The following SLC24A3 variants were observed in gnomAD, a reference collection of about 807,000 sequenced individuals.
SLC24A3 encodes the protein sodium/potassium/calcium exchanger 3.
A neutral mutation model predicts 75.8 loss-of-function variants in SLC24A3; 28 were observed. The observed-to-expected ratio is 0.37, with a 90% CI of 0.27 to 0.51. The LOEUF (loss-of-function observed/expected upper bound fraction) is 0.51. Ranked by LOEUF, SLC24A3 falls within the 20% of genes least tolerant of loss-of-function variation. The pLI is 0.94. For synonymous variants in SLC24A3, 372 were observed against 334.1 expected, an observed-to-expected ratio of 1.11 and a Z score of -1.24; for missense variants, 663 against 847.8, an observed-to-expected ratio of 0.78 and a Z score of 2.71.
rs542225266 is a variant in SLC24A3 at position 19,275,805 on chromosome 20, G to GCTAT, written c.143-5152_143-5149dup. Among the ~76,000 whole-genome samples the GCTAT allele has an allele frequency of 1.4e-3, 216 of 152,248 alleles. 1 individual carries two copies. The highest frequency in any genetic ancestry group is 4.9e-3 in the African/African-American group (205 of 41,536). On this transcript the variant is annotated intron_variant, in intron 1 of 16. Transcript: ENST00000328041. Reference sequence around the variant, plus strand: ...CCTCCCCTTCTAGCCAACATCCCGTGCTATCCCCATGGCCCACTCCTGTCC... The same window carrying GCTAT: ...CCTCCCCTTCTAGCCAACATCCCGTGCTATCTATCCCCATGGCCCACTCCTGTCC...
At position 19,212,945 on chromosome 20, in the gene SLC24A3, C is replaced by T. The variant is rs1189850087; in HGVS notation, c.103C>T (p.Leu35=). Residue 35 remains leucine (L), a synonymous_variant, in exon 1 of 17, where the codon CTG becomes TTG. Coordinates refer to ENST00000328041, the MANE Select transcript of SLC24A3 (RefSeq NM_020689.4). ...GCTCTGCTTCCTGGCCTCGGTGGCG[C>T]TGCTGCTCTGGTCGCTGTCGAGCCT... The part of the protein sequence containing the change: ...SQLCFLASVA[L]LLWSLSSLRE... 13 of 1,339,510 alleles carry T rather than the reference C, an allele frequency of 9.7e-6. No individual in the cohort carries two copies. Among genetic ancestry groups the T allele is most frequent in the Non-Finnish European group, 1.2e-5 (13 of 1,043,984 alleles). The allele number at this position is 1,339,510 out of a possible 1,614,324, so 83.0% of individuals were successfully genotyped here. A position where few individuals can be genotyped will look rare whatever the true frequency, so the allele number is the denominator to read the frequency against.
intron 7 of SLC24A3, among the ~76,000 whole-genome samples, chr20:19,664,858 A>T (rs183899593): frequency 6.6e-6 from 1 of 152,354 alleles, no homozygotes; most frequent in Admixed American, 6.5e-5. Flanking sequence ...GGTTTCGGCA[A>T]CATGTCATCA....
intron 2 of SLC24A3, among the ~76,000 whole-genome samples, chr20:19,342,601 G>C (rs1192930181): frequency 6.6e-6 from 1 of 152,230 alleles, no homozygotes; most frequent in Non-Finnish European, 1.5e-5. Context: ...CTGCAACATG[G>C]AAATGTATGT....
chr20:19,509,349 G>T (rs1299261843), intron 2 of SLC24A3, among the ~76,000 whole-genome samples: 1 of 152,174 alleles, frequency 6.6e-6, no homozygotes, highest in African/African-American at 2.4e-5. Context: ...TGGATTTGGC[G>T]CTAGGATGCA....
At chr20:19,233,949 G>T (rs1276853987) in intron 1 of SLC24A3, among the ~76,000 whole-genome samples, 1 of 152,138 alleles carries the variant, frequency 6.6e-6, no homozygotes, top group Non-Finnish European at 1.5e-5. Context: ...TTTGATTATT[G>T]CTTTTAAGTC....
chr20:19,378,272 C>T (rs911496179), intron 2 of SLC24A3, among the ~76,000 whole-genome samples: 1 of 151,610 alleles, frequency 6.6e-6, no homozygotes, highest in Non-Finnish European at 1.5e-5. Context: ...AGAGCTTGGC[C>T]TACGTAGAGG....
chr20:19,482,437 A>T (rs1406223809), intron 2 of SLC24A3, among the ~76,000 whole-genome samples: 1 of 152,166 alleles, frequency 6.6e-6, no homozygotes, highest in Non-Finnish European at 1.5e-5. Flanking sequence ...AGGCCAAGGG[A>T]ATCACAGCCA....
chr20:19,644,002 T>TG (rs941940957), intron 6 of SLC24A3, among the ~76,000 whole-genome samples: 5 of 152,158 alleles, frequency 3.3e-5, no homozygotes, highest in African/African-American at 4.8e-5. Flanking sequence ...TAGGAGAGCT[T>TG]GGGGGGAGCA....
At chr20:19,317,956 C>T (rs721488) in intron 2 of SLC24A3, among the ~76,000 whole-genome samples, 6,161 of 152,328 alleles carry the variant, frequency 0.04, 503 homozygotes, top group East Asian at 0.27. Flanking sequence ...TGCCTGCTCA[C>T]ACCTGCATTC....
chr20:19,712,878 C>T (rs1487282824), intron 15 of SLC24A3, among the ~76,000 whole-genome samples: 1 of 152,204 alleles, frequency 6.6e-6, no homozygotes, highest in Non-Finnish European at 1.5e-5. Flanking sequence ...AAAGAGTACA[C>T]GCTGCAGGAT....
At chr20:19,595,905 G>A (rs2031445934) in intron 6 of SLC24A3, among the ~76,000 whole-genome samples, 1 of 152,158 alleles carries the variant, frequency 6.6e-6, no homozygotes, top group Non-Finnish European at 1.5e-5. Flanking sequence ...AGATCTAGGA[G>A]AAGAAACTTC....
At chr20:19,537,029 A>G (rs1420985672) in intron 3 of SLC24A3, among the ~76,000 whole-genome samples, 1 of 152,202 alleles carries the variant, frequency 6.6e-6, no homozygotes, top group Non-Finnish European at 1.5e-5. Context: ...GACAAATGGG[A>G]TCTAATTAAA....
At chr20:19,605,649 C>T (rs960736696) in intron 6 of SLC24A3, among the ~76,000 whole-genome samples, 2 of 152,166 alleles carry the variant, frequency 1.3e-5, no homozygotes, top group African/African-American at 2.4e-5. Flanking sequence ...TACATCTACC[C>T]ATTGAGTCTC....
intron 3 of SLC24A3, among the ~76,000 whole-genome samples, chr20:19,542,645 T>C (rs1174413344): frequency 3.9e-5 from 6 of 152,202 alleles, no homozygotes; most frequent in Non-Finnish European, 8.8e-5. Context: ...TCTTTGCTAC[T>C]GTAATTCCAT....
At chr20:19,276,591 G>C (rs1600406584) in intron 1 of SLC24A3, among the ~76,000 whole-genome samples, 1 of 152,116 alleles carries the variant, frequency 6.6e-6, no homozygotes, top group Admixed American at 6.6e-5. Context: ...ACAGCAAAGG[G>C]ACAGTAAAAA....
At chr20:19,689,283 G>A (rs773143019) in intron 12 of SLC24A3, among the ~76,000 whole-genome samples, 1 of 152,206 alleles carries the variant, frequency 6.6e-6, no homozygotes. Context: ...AAAATACTGT[G>A]CAATAACTTT....
At chr20:19,705,382 C>T (rs1175450005) in intron 15 of SLC24A3, among the ~76,000 whole-genome samples, 2 of 152,172 alleles carry the variant, frequency 1.3e-5, no homozygotes, top group South Asian at 2.1e-4. Flanking sequence ...ATTCCTCATG[C>T]TCAGCCACAC....
chr20:19,323,141 G>A (rs1984752923), intron 2 of SLC24A3, among the ~76,000 whole-genome samples: 1 of 147,550 alleles, frequency 6.8e-6, no homozygotes, highest in African/African-American at 2.6e-5. Context: ...GGGAGGCGGA[G>A]GTTGCAGTGA....
At chr20:19,598,794 C>G (rs941756118) in intron 6 of SLC24A3, among the ~76,000 whole-genome samples, 1 of 152,054 alleles carries the variant, frequency 6.6e-6, no homozygotes, top group Non-Finnish European at 1.5e-5. Context: ...CTTGCTCTGT[C>G]TTTGATTACT....
Sources: gnomAD v4.1 joint callset for allele counts (sites outside exome capture counted in the v4.1 genomes callset) on GRCh38, gnomAD v4.1.1 for gene constraint, MANE v1.5 for transcripts, NCBI Gene and HGNC (gene_info 2026-07-23, HGNC 2026-07-21) for gene names.